The following ARVCF variants were observed in gnomAD, a reference collection of about 807,000 sequenced individuals.
The protein encoded by ARVCF is splicing regulator ARVCF.
Under a neutral mutation model 90.9 loss-of-function variants are expected in ARVCF, and 66 were observed. The ratio of observed to expected loss-of-function variants is 0.73; its 90% CI spans 0.60 to 0.89. The LOEUF is 0.89. Ranked by LOEUF, ARVCF falls within the 40% of genes least tolerant of loss-of-function variation. ARVCF has a pLI of 0.00. For synonymous variants in ARVCF, 653 were observed against 603.4 expected, an observed-to-expected ratio of 1.08 and a Z score of -1.21; for missense variants, 1,469 against 1,382.3, an observed-to-expected ratio of 1.06 and a Z score of -1.00.
At position 20,007,027 on chromosome 22, in the gene ARVCF, G is replaced by A. The variant is rs375540885; in HGVS notation, c.-19+3428C>T. On this transcript the variant is annotated intron_variant, in intron 2 of 19. Transcript: ENST00000263207. ...CCAGCACTTTGGGAGGCCAAGGCAA[G>A]TGGATTGCTGGGGCCCAGAAGTTCG... Among the ~76,000 whole-genome samples, 20 of 152,290 alleles carry A rather than the reference G, an allele frequency of 1.3e-4. No individual in the cohort carries two copies. In the East Asian group the frequency reaches 2.5e-3, roughly 19 times the overall value.
chr22:19,967,527 C>A, downstream of ARVCF: 1 of 387,896 alleles, frequency 2.6e-6, no homozygotes, highest in Non-Finnish European at 5.1e-6. Flanking sequence ...CATGAAAGCC[C>A]CCTGCTTTCT....
At chr22:19,990,423 T>TG (rs1451299301) in intron 3 of ARVCF, among the ~76,000 whole-genome samples, 162 bp downstream of exon 3, 2 of 152,216 alleles carry the variant, frequency 1.3e-5, no homozygotes, top group African/African-American at 4.8e-5. Context: ...TACACCCAAG[T>TG]GGGACTTCCA....
chr22:19,972,184 C>G (rs1290185260), intron 17 of ARVCF, among the ~76,000 whole-genome samples, 174 bp downstream of exon 17: 1 of 152,170 alleles, frequency 6.6e-6, no homozygotes, highest in Non-Finnish European at 1.5e-5. Flanking sequence ...GTCAGAGCCC[C>G]TGGCTGAGCA....
intron 1 of ARVCF, among the ~76,000 whole-genome samples, chr22:20,015,715 G>T (rs1945056400): frequency 6.6e-6 from 1 of 152,086 alleles, no homozygotes; most frequent in Non-Finnish European, 1.5e-5. Context: ...CTCACCTGAG[G>T]TTATTAGACA....
chr22:20,007,352 A>C (rs923985810), intron 2 of ARVCF, among the ~76,000 whole-genome samples: 2 of 152,278 alleles, frequency 1.3e-5, no homozygotes, highest in African/African-American at 2.4e-5. Flanking sequence ...CAGTGAGCCA[A>C]GAATGCGCCA....
chr22:19,977,283 C>T (rs1943209499), intron 9 of ARVCF, 132 bp downstream of exon 9: 2 of 1,259,810 alleles, frequency 1.6e-6, no homozygotes, highest in Admixed American at 3.0e-5. Context: ...CTCCTGGCTT[C>T]CCTGCCTGCC....
Position 19,973,785 on chromosome 22 carries a change from C to A in ARVCF, c.2097G>T (p.Thr699=). 1 of 1,605,152 alleles carries A rather than the reference C, an allele frequency of 6.2e-7. No individual in the cohort carries two copies. The highest frequency in any genetic ancestry group is 8.5e-7 in the Non-Finnish European group (1 of 1,179,010). Residue 699 remains threonine (T), a synonymous_variant, in exon 13 of 20, where the codon ACG becomes ACT. Transcript: ENST00000263207. ...CTTTGCGCACTGTGGCGCGGATGTACGTGGCCCACTGCGGAGGCGGGGAGA... is the reference window on the plus strand; with the variant it reads ...CTTTGCGCACTGTGGCGCGGATGTAAGTGGCCCACTGCGGAGGCGGGGAGA... The part of the protein sequence containing the change: ...NLSAGNWMWA[T]YIRATVRKER...
rs767998510 is a variant in ARVCF, at chr22:19,972,740, G to A, written c.2638C>T (p.Leu880Phe). ...CTCCCTAAGCTCCACCACTCACCAA[G>A]GCTCTTGTCCACCAGTGGCAGCGTG... ...DSTLPLVDKSLEGEKTGSRDV... is the reference protein window; with the variant it reads ...DSTLPLVDKSFEGEKTGSRDV... The change falls in exon 16 of 20, where the codon CTT becomes TTT. Residue 880 changes from leucine (L) to phenylalanine (F), a missense_variant. Leu to Phe is a conservative substitution (Grantham distance 22, BLOSUM62 0). Transcript: ENST00000263207. 2.5e-6 allele frequency: 4 copies of A among 1,609,498 alleles called. No individual in the cohort carries two copies. The highest frequency in any genetic ancestry group is 2.7e-5 in the African/African-American group (2 of 74,810).
Position 19,970,203 on chromosome 22 carries a change from C to G in ARVCF, c.*553G>C. The G allele has an allele frequency of 4.0e-6, 4 of 989,428 alleles. No homozygotes were observed. The highest frequency in any genetic ancestry group is 4.8e-6 in the Non-Finnish European group (4 of 832,226). 61.3% of individuals were successfully genotyped at this position (989,428 alleles called of 1,614,324 possible). The stretch of plus-strand genomic sequence containing the variant: ...GGTGGGGCACCTGTAGCCTGACCCC[C>G]ACCTTGCTGCTTCCAAAGCTTCCTT... On this transcript the variant is annotated 3_prime_UTR_variant, in exon 20 of 20. Coordinates refer to ENST00000263207, the MANE Select transcript of ARVCF (RefSeq NM_001670.3).
Position 19,980,135 on chromosome 22 carries a change from C to T in ARVCF, c.1004G>A (p.Ser335Asn). ...LAQPERGSMGSLDRLVRRSPS... is the reference protein window; with the variant it reads ...LAQPERGSMGNLDRLVRRSPS... ...CGAGCGCCGCACCAGCCGGTCCAGG[C>T]TGCCCATGCTGCCCCGTTCAGGCTG... is the stretch of plus-strand genomic sequence containing the variant. Residue 335 changes from serine to asparagine, a missense_variant, in exon 6 of 20, where the codon AGC becomes AAC. Transcript: ENST00000263207. The T allele has an allele frequency of 1.3e-6, 2 of 1,591,618 alleles. No individual in the cohort carries two copies. Among genetic ancestry groups the T allele is most frequent in the Middle Eastern group, 1.8e-4 (1 of 5,410 alleles).
intron 3 of ARVCF, among the ~76,000 whole-genome samples, chr22:19,987,709 C>CT (rs1943870092): frequency 6.6e-6 from 1 of 152,056 alleles, no homozygotes. Flanking sequence ...CAGATCCCCC[C>CT]TCACCCTCCT....
intron 13 of ARVCF, 112 bp from the exon 14 acceptor site, chr22:19,973,429 G>A (rs1942960761): frequency 2.9e-6 from 4 of 1,372,996 alleles, no homozygotes; most frequent in Non-Finnish European, 3.8e-6. Context: ...GAGACCGCCT[G>A]TGTGCAGGCG....
In ARVCF at chr22:19,970,688, A is replaced by G. The variant is rs1473701242; in HGVS notation, c.*68T>C. ...CCAAGCTCCACGGCACGATCTGCTC[A>G]GGGTGGCCCTTCTTCCACGATCCAA... On this transcript the variant is annotated 3_prime_UTR_variant, in exon 20 of 20. Coordinates refer to ENST00000263207, the MANE Select transcript of ARVCF (RefSeq NM_001670.3). 1.6e-6 allele frequency: 2 copies of G among 1,287,362 alleles called. No homozygotes were observed. Among genetic ancestry groups the G allele is most frequent in the East Asian group, 5.6e-5 (1 of 17,860 alleles). The allele number at this position is 1,287,362 out of a possible 1,614,324, so 79.7% of individuals were successfully genotyped here.
chr22:20,016,324 G>C (rs958330972), intron 1 of ARVCF, among the ~76,000 whole-genome samples: 1 of 152,126 alleles, frequency 6.6e-6, no homozygotes, highest in Non-Finnish European at 1.5e-5. Flanking sequence ...GGTAGGGTAG[G>C]GCCCCAAGGC....
At chr22:19,967,642 G>T, downstream of ARVCF, 2 of 305,988 alleles carry the variant, frequency 6.5e-6, no homozygotes, top group Non-Finnish European at 1.3e-5. Flanking sequence ...TCGGATACCA[G>T]TGTTTCAAGG....
chr22:19,975,473 T>A (rs1364660397), intron 11 of ARVCF, among the ~76,000 whole-genome samples: 1 of 152,204 alleles, frequency 6.6e-6, no homozygotes, highest in Non-Finnish European at 1.5e-5. Context: ...CAACCTTGCC[T>A]GACATGACCC....
At chr22:19,975,322 G>A (rs965411186) in intron 11 of ARVCF, among the ~76,000 whole-genome samples, 1 of 152,198 alleles carries the variant, frequency 6.6e-6, no homozygotes, top group African/African-American at 2.4e-5. Flanking sequence ...TGCCCGCCTG[G>A]CTCCCAGCCC....
intron 3 of ARVCF, 51 bp from the exon 4 acceptor site, chr22:19,982,142 G>A: frequency 6.3e-7 from 1 of 1,594,716 alleles, no homozygotes; most frequent in South Asian, 1.1e-5. Flanking sequence ...AGTCACCCCT[G>A]GAGTGCAGGT....
intron 2 of ARVCF, among the ~76,000 whole-genome samples, chr22:19,995,633 G>T (rs140056687): frequency 3.9e-5 from 6 of 152,180 alleles, no homozygotes; most frequent in Non-Finnish European, 1.5e-5. Flanking sequence ...AGCCTTGTCC[G>T]GAAAATGAAA....
Sources: allele counts gnomAD v4.1 joint callset (sites outside exome capture counted in the v4.1 genomes callset), GRCh38; gene constraint gnomAD v4.1.1; transcripts MANE v1.5; gene names NCBI Gene and HGNC (gene_info 2026-07-23, HGNC 2026-07-21).